SPRR4: variants seen among roughly 807,000 people sequenced by gnomAD.
SPRR4 encodes the protein small proline rich protein 4, also known as small proline-rich protein 4.
For missense variants in SPRR4, 106 were observed against 91.6 expected (o/e 1.16, Z -0.64); for synonymous variants, 30 against 34.3 (o/e 0.87, Z 0.44).
In SPRR4 at chr1:152,971,853, C is replaced by T; in HGVS notation, c.-20-18C>T. 6.2e-7 allele frequency: 1 copy of T among 1,611,588 alleles called. No individual in the cohort carries two copies. The highest frequency in any genetic ancestry group is 8.5e-7 in the Non-Finnish European group (1 of 1,178,422). On this transcript the variant is annotated intron_variant, in intron 1 of 1. Transcript: ENST00000328051. ...TTTTAACACCCTTCTCATGGTGTCC[C>T]TGCCCGGTTTCCTTTAGGCTCACCT...
In SPRR4 at chr1:152,972,290, C is replaced by T. The variant is rs1412218401; in HGVS notation, c.*160C>T. 8 of 1,215,178 alleles carry T rather than the reference C, an allele frequency of 6.6e-6. No individual in the cohort carries two copies. The South Asian group carries it at 9.3e-5, about 14-fold the overall frequency. 75.3% of individuals were successfully genotyped at this position (1,215,178 alleles called of 1,614,324 possible). ...ATTGTAAGGATTTCTTCCCATCGTA[C>T]CCTTCCCCACACATACCACCTTGGC... On this transcript the variant is annotated 3_prime_UTR_variant, in exon 2 of 2. Transcript: ENST00000328051.
At chr1:152,968,833 G>T (rs12564527), upstream of SPRR4, among the ~76,000 whole-genome samples, 21,430 of 152,252 alleles carry the variant, frequency 0.14, 1,751 homozygotes, top group South Asian at 0.2. Context: ...CTGTTCACAG[G>T]CAATACACAC....
chr1:152,970,292 G>A (rs949946516), upstream of SPRR4, among the ~76,000 whole-genome samples: 4 of 152,102 alleles, frequency 2.6e-5, no homozygotes, highest in African/African-American at 9.7e-5. Context: ...TCACATTTTT[G>A]TCAGAATTGC....
chr1:152,972,026 TGTGCTCCCCAG>T lies in SPRR4; in HGVS notation c.139_149del (p.Ala47GlnfsTer73). 6.2e-7 allele frequency: 1 copy of T among 1,614,052 alleles called. No homozygotes were observed. Among genetic ancestry groups the T allele is most frequent in the Non-Finnish European group, 8.5e-7 (1 of 1,179,996 alleles). On this transcript the variant is annotated frameshift_variant, in exon 2 of 2. Transcript: ENST00000328051. LOFTEE classifies it low-confidence loss of function (END_TRUNC). Reference sequence around the variant, plus strand: ...ATGTGCACCCAAAACCAAGGATCCATGTGCTCCCCAGGTCAAGAAGCAATGCCCACCGAAAG... The same window carrying T: ...ATGTGCACCCAAAACCAAGGATCCATGTCAAGAAGCAATGCCCACCGAAAG...
Position 152,971,876 on chromosome 1 carries a change from C to G in SPRR4, c.-15C>G, listed in dbSNP as rs760017939. On this transcript the variant is annotated 5_prime_UTR_variant, in exon 2 of 2. Transcript: ENST00000328051. ...CCCTGCCCGGTTTCCTTTAGGCTCACCTGTTCCTAGAGCAATGTCTTCCCA... is the reference window on the plus strand; with the variant it reads ...CCCTGCCCGGTTTCCTTTAGGCTCAGCTGTTCCTAGAGCAATGTCTTCCCA... 1.9e-6 allele frequency: 3 copies of G among 1,613,870 alleles called. No homozygotes were observed. In the East Asian group the frequency reaches 6.7e-5, roughly 36 times the overall value.
At chr1:152,971,653 T>A (rs544288330) in intron 1 of SPRR4, among the ~76,000 whole-genome samples, 2 of 151,918 alleles carry the variant, frequency 1.3e-5, no homozygotes, top group African/African-American at 4.8e-5. Flanking sequence ...AGACAGAGAC[T>A]GTTTTTGTCC....
upstream of SPRR4, among the ~76,000 whole-genome samples, chr1:152,968,818 C>T (rs1197083186): frequency 6.6e-6 from 1 of 152,238 alleles, no homozygotes; most frequent in East Asian, 1.9e-4. Context: ...GATGGAGCTG[C>T]CCATCTGTTC....
chr1:152,972,032 C>G lies in SPRR4; in HGVS notation c.142C>G (p.Pro48Ala), dbSNP rs373846840. 6 of 1,613,940 alleles carry G rather than the reference C, an allele frequency of 3.7e-6. No homozygotes were observed. The African/African-American group carries it at 4.0e-5, about 11-fold the overall frequency. Residue 48 changes from proline (P) to alanine (A), a missense_variant, in exon 2 of 2, where the codon CCC becomes GCC. Physicochemically the swap from Pro to Ala is conservative, Grantham distance 27. Transcript: ENST00000328051. Reference sequence around the variant, plus strand: ...ACCCAAAACCAAGGATCCATGTGCTCCCCAGGTCAAGAAGCAATGCCCACC... The same window carrying G: ...ACCCAAAACCAAGGATCCATGTGCTGCCCAGGTCAAGAAGCAATGCCCACC... ...CAPKTKDPCAPQVKKQCPPKG... is the reference protein window; with the variant it reads ...CAPKTKDPCAAQVKKQCPPKG...
Position 152,972,288 on chromosome 1 carries a change from T to C in SPRR4, c.*158T>C. 8.0e-7 allele frequency: 1 copy of C among 1,250,872 alleles called. No homozygotes were observed. The highest frequency in any genetic ancestry group is 1.1e-6 in the Non-Finnish European group (1 of 906,256). The allele number at this position is 1,250,872 out of a possible 1,614,324, so 77.5% of individuals were successfully genotyped here. On this transcript the variant is annotated 3_prime_UTR_variant, in exon 2 of 2. Coordinates refer to ENST00000328051, the MANE Select transcript of SPRR4 (RefSeq NM_173080.3). ...GCATTGTAAGGATTTCTTCCCATCG[T>C]ACCCTTCCCCACACATACCACCTTG...
intron 1 of SPRR4, among the ~76,000 whole-genome samples, chr1:152,971,608 A>ACT (rs1239720068): frequency 6.7e-6 from 1 of 149,366 alleles, no homozygotes; most frequent in Non-Finnish European, 1.5e-5. Context: ...ACACACACAC[A>ACT]CACACTCACA....
At chr1:152,969,572 C>T (rs1651771035), upstream of SPRR4, among the ~76,000 whole-genome samples, 1 of 152,094 alleles carries the variant, frequency 6.6e-6, no homozygotes, top group Non-Finnish European at 1.5e-5. Context: ...TTCCCAGAGG[C>T]CCTGCCTTTC....
upstream of SPRR4, among the ~76,000 whole-genome samples, chr1:152,969,251 C>T (rs576694377): frequency 4.6e-5 from 7 of 152,250 alleles, no homozygotes; most frequent in Middle Eastern, 3.4e-3. Context: ...ATGCTGACTG[C>T]GGTGATGGAG....
chr1:152,971,783 GC>G (rs1651854969), intron 1 of SPRR4, 87 bp from the exon 2 acceptor site: 1 of 1,505,116 alleles, frequency 6.6e-7, no homozygotes. Context: ...AAATGTCTGG[GC>G]TACTTTTTAA....
In SPRR4 at chr1:152,972,224, C is replaced by T; in HGVS notation, c.*94C>T. ...CTCTTCCCTCCAGCTCTTGAGCCTA[C>T]CCTCCTCTCACATCTCCTCCTGCCC... is the stretch of plus-strand genomic sequence containing the variant. On this transcript the variant is annotated 3_prime_UTR_variant, in exon 2 of 2. Coordinates refer to ENST00000328051, the MANE Select transcript of SPRR4 (RefSeq NM_173080.3). 1 of 1,538,444 alleles carries T rather than the reference C, an allele frequency of 6.5e-7. No individual in the cohort carries two copies. The highest frequency in any genetic ancestry group is 8.8e-7 in the Non-Finnish European group (1 of 1,137,880).
chr1:152,971,446 T>C (rs996204132), intron 1 of SPRR4, among the ~76,000 whole-genome samples: 26 of 152,128 alleles, frequency 1.7e-4, no homozygotes, highest in African/African-American at 5.8e-4. Flanking sequence ...CCCAGTTCTT[T>C]GTAGAGGGCT....
chr1:152,972,134 T>C lies in SPRR4; in HGVS notation c.*4T>C. 6.2e-7 allele frequency: 1 copy of C among 1,614,064 alleles called. No homozygotes were observed. Among genetic ancestry groups the C allele is most frequent in the Non-Finnish European group, 8.5e-7 (1 of 1,179,970 alleles). On this transcript the variant is annotated 3_prime_UTR_variant, in exon 2 of 2. Transcript: ENST00000328051. ...CTCCAAGAGCAAACAGAAGTAAGGATGGACTGGATATTACCATCATCCACC... is the reference window on the plus strand; with the variant it reads ...CTCCAAGAGCAAACAGAAGTAAGGACGGACTGGATATTACCATCATCCACC...
At chr1:152,971,617 C>A (rs907343116) in intron 1 of SPRR4, among the ~76,000 whole-genome samples, 1 of 151,684 alleles carries the variant, frequency 6.6e-6, no homozygotes, top group African/African-American at 2.4e-5. Flanking sequence ...CACACACTCA[C>A]ACACACACCA....
chr1:152,971,988 A>T lies in SPRR4; in HGVS notation c.98A>T (p.Lys33Ile). ...VKQPCQPPPV[K>I]CQETCAPKTK... ...CAGCCTTGTCAGCCACCCCCTGTTA[A>T]ATGTCAAGAGACATGTGCACCCAAA... is the stretch of plus-strand genomic sequence containing the variant. The change falls in exon 2 of 2, where the codon AAA becomes ATA. Residue 33 changes from lysine (K) to isoleucine (I), a missense_variant. Transcript: ENST00000328051. 1 of 1,613,960 alleles carries T rather than the reference A, an allele frequency of 6.2e-7. No homozygotes were observed. The highest frequency in any genetic ancestry group is 8.5e-7 in the Non-Finnish European group (1 of 1,179,982).
In SPRR4 at chr1:152,972,000, C is replaced by A; in HGVS notation, c.110C>A (p.Thr37Lys). The change falls in exon 2 of 2, where the codon ACA becomes AAA. Residue 37 changes from threonine (T) to lysine (K), a missense_variant. Transcript: ENST00000328051. ...CCACCCCCTGTTAAATGTCAAGAGACATGTGCACCCAAAACCAAGGATCCA... is the reference window on the plus strand; with the variant it reads ...CCACCCCCTGTTAAATGTCAAGAGAAATGTGCACCCAAAACCAAGGATCCA... ...CQPPPVKCQE[T>K]CAPKTKDPCA... 1 of 1,614,074 alleles carries A rather than the reference C, an allele frequency of 6.2e-7. No homozygotes were observed. The highest frequency in any genetic ancestry group is 8.5e-7 in the Non-Finnish European group (1 of 1,180,008).
Sources: gnomAD v4.1 joint callset for allele counts (sites outside exome capture counted in the v4.1 genomes callset) on GRCh38, gnomAD v4.1.1 for gene constraint, MANE v1.5 for transcripts, NCBI Gene and HGNC (gene_info 2026-07-23, HGNC 2026-07-21) for gene names.